The following KIF27 variants were observed in gnomAD, a reference collection of about 807,000 sequenced individuals.
The protein encoded by KIF27 is kinesin-like protein KIF27.
KIF27 carries 84 observed loss-of-function variants against 141.8 expected under a neutral mutation model. The ratio of observed to expected loss-of-function variants is 0.59; its 90% CI spans 0.50 to 0.71. KIF27 has a LOEUF of 0.71. Among genes scored for constraint, KIF27 ranks in the 30% least tolerant of loss-of-function variants. The pLI is 0.00. For synonymous variants in KIF27, 471 were observed against 569.5 expected (o/e 0.83, Z 2.46); for missense variants, 1,306 against 1,628.4 (o/e 0.80, Z 3.41).
chr9:83,894,464 T>G (rs1952978814), intron 5 of KIF27, among the ~76,000 whole-genome samples: 1 of 152,236 alleles, frequency 6.6e-6, no homozygotes, highest in Non-Finnish European at 1.5e-5. Context: ...TTAAACACTC[T>G]GATTATACTG....
chr9:83,870,948 G>C (rs1002444170), intron 11 of KIF27, among the ~76,000 whole-genome samples: 2 of 152,002 alleles, frequency 1.3e-5, no homozygotes, highest in Non-Finnish European at 2.9e-5. Flanking sequence ...GTCTCACTCT[G>C]TATCTAGACT....
chr9:83,904,955 CAG>C (rs1156371710), intron 3 of KIF27, among the ~76,000 whole-genome samples: 1 of 150,956 alleles, frequency 6.6e-6, no homozygotes, highest in Non-Finnish European at 1.5e-5. Context: ...TACCTTGCAT[CAG>C]AGTGCAAGGT....
At chr9:83,900,699 A>C (rs562368054) in intron 4 of KIF27, among the ~76,000 whole-genome samples, 137 of 152,172 alleles carry the variant, frequency 9.0e-4, no homozygotes, top group African/African-American at 3.3e-3. Context: ...CTATCAATCA[A>C]CGAATGGATA....
intron 11 of KIF27, among the ~76,000 whole-genome samples, chr9:83,876,790 T>C (rs530749350): frequency 5.9e-5 from 9 of 152,242 alleles, no homozygotes; most frequent in African/African-American, 2.2e-4. Context: ...AAAATAAAAA[T>C]TGGGGCCAAG....
chr9:83,845,391 G>A (rs567187266), intron 16 of KIF27, among the ~76,000 whole-genome samples: 16 of 152,264 alleles, frequency 1.1e-4, no homozygotes, highest in African/African-American at 3.9e-4. Context: ...TGCTATATAT[G>A]TGATCAGGCT....
chr9:83,889,127 T>G lies in KIF27; in HGVS notation c.1936A>C (p.Ser646Arg), dbSNP rs773284705. The change falls in exon 7 of 18, where the codon AGT becomes CGT. Residue 646 changes from serine (S) to arginine (R), a missense_variant. Coordinates refer to ENST00000297814, the MANE Select transcript of KIF27 (RefSeq NM_017576.4). ...TGGCCTTCTGATTCTTCATCATCACTGTTATCAGAAAATTGGCAGTGGAGG... is the reference window on the plus strand; with the variant it reads ...TGGCCTTCTGATTCTTCATCATCACGGTTATCAGAAAATTGGCAGTGGAGG... ...KVLHCQFSDN[S>R]DDEESEGQEK... The G allele has an allele frequency of 6.2e-7, 1 of 1,613,810 alleles. No individual in the cohort carries two copies. Among genetic ancestry groups the G allele is most frequent in the Non-Finnish European group, 8.5e-7 (1 of 1,179,876 alleles).
rs563613477 is a variant in KIF27 at position 83,835,530 on chromosome 9, G to A, written c.*1471C>T. 3.3e-5 allele frequency: 5 copies of A among 152,112 alleles called. No homozygotes were observed. Among genetic ancestry groups the A allele is most frequent in the Admixed American group, 6.6e-5 (1 of 15,248 alleles). The allele number at this position is 152,112 out of a possible 1,614,324, so 9.4% of individuals were successfully genotyped here. A position where few individuals can be genotyped will look rare whatever the true frequency, so the allele number is the denominator to read the frequency against. ...ATTTTCCTTTTTATAAGTTTGTTTT[G>A]TTTTGGTTTGTTTCCTAAAGGAACT... On this transcript the variant is annotated 3_prime_UTR_variant, in exon 18 of 18. Transcript: ENST00000297814.
At chr9:83,859,031 C>T in intron 14 of KIF27, 125 bp downstream of exon 14, 1 of 754,492 alleles carries the variant, frequency 1.3e-6, no homozygotes, top group South Asian at 1.6e-5. Context: ...GAACTCACTA[C>T]ATCTGACAAA....
chr9:83,861,243 A>G (rs1332761401), intron 13 of KIF27, among the ~76,000 whole-genome samples: 3 of 151,800 alleles, frequency 2.0e-5, no homozygotes, highest in East Asian at 3.9e-4. Context: ...GGTTTGTTAC[A>G]TATGTATACA....
intron 2 of KIF27, among the ~76,000 whole-genome samples, chr9:83,909,819 T>C (rs988278306): frequency 4.6e-5 from 7 of 152,024 alleles, no homozygotes; most frequent in African/African-American, 1.7e-4. Flanking sequence ...TCCCAGCACA[T>C]GGGGAGGCCG....
Position 83,859,082 on chromosome 9 carries a change from T to C in KIF27, c.3150+74A>G, listed in dbSNP as rs568103213. On this transcript the variant is annotated intron_variant, in intron 14 of 17. Coordinates refer to ENST00000297814, the MANE Select transcript of KIF27 (RefSeq NM_017576.4). ...GTTTACCAGATAATATTTATGATTA[T>C]GTGAAAAAGACTGAGGAAATCACTC... 2.1e-5 allele frequency: 22 copies of C among 1,029,102 alleles called. No individual in the cohort carries two copies. The South Asian group carries it at 2.6e-4, about 12-fold the overall frequency. 63.7% of individuals were successfully genotyped at this position (1,029,102 alleles called of 1,614,324 possible).
intron 16 of KIF27, among the ~76,000 whole-genome samples, chr9:83,843,981 T>C (rs1587885462): frequency 1.3e-5 from 2 of 152,162 alleles, no homozygotes; most frequent in African/African-American, 4.8e-5. Flanking sequence ...ATGCCAAGTA[T>C]TGAGTGTGTC....
Position 83,836,770 on chromosome 9 carries a change from A to G in KIF27, c.*231T>C. On this transcript the variant is annotated 3_prime_UTR_variant, in exon 18 of 18. Coordinates refer to ENST00000297814, the MANE Select transcript of KIF27 (RefSeq NM_017576.4). ...TTTAAGCGTATTTATAAATATTTAAATGTTATCAAGTATTGGAAAACATGT... is the reference window on the plus strand; with the variant it reads ...TTTAAGCGTATTTATAAATATTTAAGTGTTATCAAGTATTGGAAAACATGT... 1 of 539,552 alleles carries G rather than the reference A, an allele frequency of 1.9e-6. No individual in the cohort carries two copies. The highest frequency in any genetic ancestry group is 3.6e-5 in the South Asian group (1 of 27,602). 33.4% of individuals were successfully genotyped at this position (539,552 alleles called of 1,614,324 possible).
At chr9:83,866,957 C>G (rs951606865) in intron 13 of KIF27, among the ~76,000 whole-genome samples, 4 of 149,200 alleles carry the variant, frequency 2.7e-5, no homozygotes, top group African/African-American at 9.8e-5. Flanking sequence ...CACCCCCCCC[C>G]CAAAAAAAGA....
At chr9:83,842,529 A>G in intron 16 of KIF27, 128 bp from the exon 17 acceptor site, 2 of 1,217,950 alleles carry the variant, frequency 1.6e-6, no homozygotes, top group Non-Finnish European at 2.1e-6. Flanking sequence ...GTGGCGTGAT[A>G]TGCTCGGCTC....
At chr9:83,887,514 G>T (rs571399988) in intron 8 of KIF27, among the ~76,000 whole-genome samples, 11 of 152,290 alleles carry the variant, frequency 7.2e-5, no homozygotes, top group Admixed American at 2.6e-4. Context: ...TCCAGATGGA[G>T]AGAGGGGTGA....
Position 83,880,431 on chromosome 9 carries a change from G to A in KIF27, c.2509C>T (p.Arg837Cys), listed in dbSNP as rs371881517. 93 of 1,613,224 alleles carry A rather than the reference G, an allele frequency of 5.8e-5. No individual in the cohort carries two copies. In the African/African-American group the frequency reaches 9.2e-4, roughly 16 times the overall value. The change falls in exon 11 of 18, where the codon CGT becomes TGT. Residue 837 changes from arginine (R) to cysteine (C), a missense_variant. Arg to Cys is a radical substitution (Grantham distance 180, BLOSUM62 -3). Around this residue, in one of 4 missense-constraint regions of KIF27, gnomAD observed 596 missense variants for 751.6 expected, o/e 0.79. Transcript: ENST00000297814. ...ACACTCTGCTCTAGCTCATTAGCAC[G>A]TTTCTCATTTTGGATTGACAGTGAT... ...LASLSIQNEK[R>C]ANELEQSVDH...
intron 2 of KIF27, among the ~76,000 whole-genome samples, chr9:83,909,657 G>A (rs962120245): frequency 6.7e-6 from 1 of 148,554 alleles, no homozygotes; most frequent in Non-Finnish European, 1.5e-5. Context: ...TATTTGAAAA[G>A]TCCCAGGAAT....
At chr9:83,870,707 C>A in intron 11 of KIF27, 75 bp from the exon 12 acceptor site, 89 of 1,260,626 alleles carry the variant, frequency 7.1e-5, no homozygotes, top group Non-Finnish European at 8.0e-5. Context: ...CAATTATTTT[C>A]TTTTTTTTTT....
Sources: gnomAD v4.1 joint callset for allele counts (sites outside exome capture counted in the v4.1 genomes callset) on GRCh38, gnomAD v4.1.1 for gene constraint, gnomAD v4.1.1 regional missense constraint, MANE v1.5 for transcripts, NCBI Gene and HGNC (gene_info 2026-07-23, HGNC 2026-07-21) for gene names.